MACROD2: variants seen among roughly 807,000 people sequenced by gnomAD.
The protein encoded by MACROD2 is ADP-ribose glycohydrolase MACROD2.
In MACROD2, 36 loss-of-function variants were observed where a neutral mutation model predicts 70.4. That is an observed-to-expected ratio of 0.51 (90% confidence interval 0.39 to 0.68). The LOEUF (loss-of-function observed/expected upper bound fraction) is 0.68. MACROD2 is among the 30% of genes least tolerant of loss of function. The pLI, the probability that MACROD2 is intolerant of heterozygous loss-of-function variation, is 0.00. For synonymous variants in MACROD2, 172 were observed against 178.8 expected, an observed-to-expected ratio of 0.96 and a Z score of 0.30; for missense variants, 496 against 538.4, an observed-to-expected ratio of 0.92 and a Z score of 0.78.
At chr20:14,842,540 G>T (rs920996913) in intron 5 of MACROD2, among the ~76,000 whole-genome samples, 5 of 152,056 alleles carry the variant, frequency 3.3e-5, no homozygotes, top group African/African-American at 4.8e-5. Context: ...TAAAGTGTAT[G>T]CTATTAGGCT....
intron 6 of MACROD2, among the ~76,000 whole-genome samples, chr20:15,366,351 A>T (rs894008899): frequency 5.3e-5 from 8 of 152,208 alleles, no homozygotes; most frequent in Non-Finnish European, 7.3e-5. Context: ...AAATAAGGTG[A>T]CACTTTTTGT....
intron 8 of MACROD2, among the ~76,000 whole-genome samples, chr20:15,665,884 G>A (rs1420233344): frequency 2.0e-5 from 3 of 152,064 alleles, no homozygotes; most frequent in Non-Finnish European, 4.4e-5. Flanking sequence ...AAATCATGCC[G>A]CCTGGTGAAG....
At chr20:14,209,061 A>G (rs1326865418) in intron 3 of MACROD2, among the ~76,000 whole-genome samples, 1 of 152,234 alleles carries the variant, frequency 6.6e-6, no homozygotes, top group Admixed American at 6.5e-5. Flanking sequence ...AGTAAGGATT[A>G]TATAGCAAAT....
chr20:15,850,785 G>C (rs985181092), intron 8 of MACROD2, among the ~76,000 whole-genome samples: 117 of 152,298 alleles, frequency 7.7e-4, no homozygotes, highest in African/African-American at 2.6e-3. Context: ...GTTTCCCAAT[G>C]GTCAGTGTCG....
At chr20:15,143,422 A>G (rs2145850023) in intron 5 of MACROD2, among the ~76,000 whole-genome samples, 1 of 152,338 alleles carries the variant, frequency 6.6e-6, no homozygotes, top group East Asian at 1.9e-4. Flanking sequence ...GCCCTTTGTC[A>G]GATGAGTAGA....
chr20:15,931,719 T>C (rs1464654659), intron 10 of MACROD2, among the ~76,000 whole-genome samples: 1 of 152,000 alleles, frequency 6.6e-6, no homozygotes, highest in African/African-American at 2.4e-5. Flanking sequence ...CAGGGGGTCC[T>C]GTACGTATAT....
intron 4 of MACROD2, among the ~76,000 whole-genome samples, chr20:14,614,481 G>A (rs1373133056): frequency 6.6e-6 from 1 of 152,114 alleles, no homozygotes; most frequent in Non-Finnish European, 1.5e-5. Context: ...GGTGATTCCA[G>A]TGAGCAGCCA....
chr20:14,068,538 G>A (rs1280401270), intron 2 of MACROD2, among the ~76,000 whole-genome samples: 2 of 152,054 alleles, frequency 1.3e-5, no homozygotes, highest in African/African-American at 4.8e-5. Flanking sequence ...GACCCAAAGT[G>A]CTTTGGGATT....
At chr20:14,748,799 A>G (rs761973950) in intron 5 of MACROD2, among the ~76,000 whole-genome samples, 11 of 152,052 alleles carry the variant, frequency 7.2e-5, no homozygotes, top group African/African-American at 2.7e-4. Context: ...AGCAGACTAC[A>G]GTTCTTAGGT....
chr20:15,518,046 A>G lies in MACROD2; in HGVS notation c.645+18199A>G, dbSNP rs117592338. ...GACATTCTTTTCAAAGGCATCTGCC[A>G]TAAAGCTAGACTCCTGAGAGAACTT... On this transcript the variant is annotated intron_variant, in intron 8 of 17. Coordinates refer to ENST00000684519, the MANE Select transcript of MACROD2 (RefSeq NM_001351661.2). Among the ~76,000 whole-genome samples the G allele has an allele frequency of 1.9e-3, 287 of 152,398 alleles. 9 individuals are homozygous for G. In the East Asian group the frequency reaches 0.033, roughly 17 times the overall value.
chr20:15,692,583 C>T (rs1027856675), intron 8 of MACROD2, among the ~76,000 whole-genome samples: 3 of 152,122 alleles, frequency 2.0e-5, no homozygotes, highest in African/African-American at 7.2e-5. Context: ...TTCCCTTTAT[C>T]TTCAGAGCCC....
intron 2 of MACROD2, among the ~76,000 whole-genome samples, chr20:14,030,221 A>G (rs1429249371): frequency 6.6e-6 from 1 of 151,922 alleles, no homozygotes; most frequent in Non-Finnish European, 1.5e-5. Context: ...TATTTTTTGT[A>G]GAGACAGGAT....
At chr20:15,979,361 T>A (rs1173699153) in intron 13 of MACROD2, among the ~76,000 whole-genome samples, 1 of 152,094 alleles carries the variant, frequency 6.6e-6, no homozygotes, top group Admixed American at 6.5e-5. Flanking sequence ...GCAGTACACA[T>A]GATGTCTGTT....
chr20:15,394,209 A>G (rs2045831059), intron 6 of MACROD2, among the ~76,000 whole-genome samples: 1 of 152,228 alleles, frequency 6.6e-6, no homozygotes, highest in South Asian at 2.1e-4. Flanking sequence ...GGTACCAAAA[A>G]TGTGAAATTA....
chr20:15,123,033 GGTTCT>G (rs1242846601), intron 5 of MACROD2, among the ~76,000 whole-genome samples: 2 of 152,142 alleles, frequency 1.3e-5, no homozygotes, highest in Non-Finnish European at 2.9e-5. Context: ...CAAGCCATAT[GGTTCT>G]GTAAGTTTAC....
intron 5 of MACROD2, among the ~76,000 whole-genome samples, chr20:14,773,170 T>C (rs2072191901): frequency 6.6e-6 from 1 of 152,082 alleles, no homozygotes; most frequent in Non-Finnish European, 1.5e-5. Flanking sequence ...CACAAAAGAC[T>C]GAGCAGTATA....
intron 5 of MACROD2, among the ~76,000 whole-genome samples, chr20:15,131,860 T>A (rs147809028): frequency 4.6e-5 from 7 of 152,014 alleles, no homozygotes; most frequent in Non-Finnish European, 8.8e-5. Context: ...ATTTGTTATA[T>A]CAATGAATAT....
At chr20:14,878,020 A>T (rs1245645156) in intron 5 of MACROD2, among the ~76,000 whole-genome samples, 1 of 152,068 alleles carries the variant, frequency 6.6e-6, no homozygotes, top group Admixed American at 6.6e-5. Context: ...CTTTTCCTCA[A>T]GTTTTTAGAA....
At chr20:14,714,711 G>T (rs969230647) in intron 5 of MACROD2, among the ~76,000 whole-genome samples, 3 of 151,878 alleles carry the variant, frequency 2.0e-5, no homozygotes, top group Non-Finnish European at 4.4e-5. Context: ...TCATTGTCTT[G>T]TCAACTCCTA....
Sources: allele counts gnomAD v4.1 joint callset (sites outside exome capture counted in the v4.1 genomes callset), GRCh38; gene constraint gnomAD v4.1.1; transcripts MANE v1.5; gene names NCBI Gene and HGNC (gene_info 2026-07-23, HGNC 2026-07-21).